N4BP2: variants seen among roughly 807,000 people sequenced by gnomAD.
The protein encoded by N4BP2 is NEDD4 binding protein 2, also known as NEDD4-binding protein 2.
In N4BP2, 91 loss-of-function variants were observed where a neutral mutation model predicts 152.8. The observed-to-expected ratio is 0.60, with a 90% CI of 0.50 to 0.71. N4BP2 has a LOEUF of 0.71. Among genes scored for constraint, N4BP2 ranks in the 30% least tolerant of loss-of-function variants. N4BP2 has a pLI of 0.00. For synonymous variants in N4BP2, 646 were observed against 705.3 expected (o/e 0.92, Z 1.33); for missense variants, 1,923 against 2,059.1 (o/e 0.93, Z 1.28).
At chr4:40,165,488 A>AACTATAGCAACAGCCTTCATAGGCTATG in the N4BP2 span, among the ~76,000 whole-genome samples, 2 of 152,144 alleles carry the variant, frequency 1.3e-5, no homozygotes, top group Non-Finnish European at 2.9e-5. Context: ...GCCTCAAGTG[A>AACTATAGCAACAGCCTTCATAGGCTATG]TCCACCTGCT....
At position 40,121,455 on chromosome 4, in the gene N4BP2, A is replaced by G. The variant is rs746885176; in HGVS notation, c.3344A>G (p.Asn1115Ser). The G allele has an allele frequency of 6.2e-7, 1 of 1,613,966 alleles. No individual in the cohort carries two copies. The highest frequency in any genetic ancestry group is 1.7e-5 in the Admixed American group (1 of 59,968). Residue 1115 changes from asparagine (N) to serine (S), a missense_variant, in exon 9 of 18, where the codon AAT (asparagine) becomes AGT (serine). Physicochemically the swap from Asn to Ser is conservative, Grantham distance 46. Transcript: ENST00000261435. ...CTGAAAGACTTATATGAGAGGTGCA[A>G]TAAAGATATTATTTGGGCCACAAGC... is the stretch of plus-strand genomic sequence containing the variant. ...EALKDLYERC[N>S]KDIIWATSLL...
At chr4:40,079,992 G>T (rs1713189138) in intron 2 of N4BP2, among the ~76,000 whole-genome samples, 1 of 151,890 alleles carries the variant, frequency 6.6e-6, no homozygotes, top group Non-Finnish European at 1.5e-5. Flanking sequence ...ATGGGAGGGG[G>T]GGATATATTT....
the N4BP2 span, chr4:40,167,470 T>C: frequency 6.6e-6 from 1 of 152,144 alleles, no homozygotes. Flanking sequence ...GGGAAAAGAA[T>C]TGGACTGGTA....
At chr4:40,178,535 T>C in the N4BP2 span, among the ~76,000 whole-genome samples, 3 of 152,204 alleles carry the variant, frequency 2.0e-5, no homozygotes, top group Admixed American at 6.5e-5. Flanking sequence ...AGCATGTACC[T>C]TTCTGGTAGA....
At chr4:40,085,316 C>T (rs914765146) in intron 2 of N4BP2, among the ~76,000 whole-genome samples, 64 of 152,240 alleles carry the variant, frequency 4.2e-4, no homozygotes, top group Non-Finnish European at 4.4e-5. Context: ...GATTACAGGC[C>T]TGAGTCACTG....
intron 2 of N4BP2, among the ~76,000 whole-genome samples, chr4:40,095,011 T>A (rs1456496862): frequency 6.6e-6 from 1 of 152,094 alleles, no homozygotes; most frequent in Middle Eastern, 3.2e-3. Flanking sequence ...CTCCTCACCT[T>A]AAGTGATCCT....
chr4:40,095,089 C>CT (rs978038914), intron 2 of N4BP2, among the ~76,000 whole-genome samples: 18 of 143,786 alleles, frequency 1.3e-4, no homozygotes, highest in East Asian at 6.2e-4. Flanking sequence ...GTTACTATAT[C>CT]TTTTTTTTTT....
downstream of N4BP2, among the ~76,000 whole-genome samples, chr4:40,161,240 C>T (rs1407771873): frequency 6.6e-6 from 1 of 152,186 alleles, no homozygotes; most frequent in Non-Finnish European, 1.5e-5. Flanking sequence ...AGAGAATGCA[C>T]CCTCATCTTG....
At chr4:40,174,491 T>C in the N4BP2 span, among the ~76,000 whole-genome samples, 9 of 151,862 alleles carry the variant, frequency 5.9e-5, no homozygotes, top group Admixed American at 1.3e-4. Context: ...AACCTAAGTG[T>C]GTGTTGAAGA....
chr4:40,179,232 T>G, the N4BP2 span, among the ~76,000 whole-genome samples: 3 of 151,986 alleles, frequency 2.0e-5, no homozygotes, highest in African/African-American at 4.8e-5. Context: ...TAGCTGGGTG[T>G]GGTGGCTGAC....
downstream of N4BP2, among the ~76,000 whole-genome samples, chr4:40,161,052 C>A (rs531552005): frequency 2.0e-5 from 3 of 152,350 alleles, no homozygotes; most frequent in South Asian, 6.2e-4. Context: ...AGACCAAAAA[C>A]TCAATCAATC....
chr4:40,104,960 G>T (rs1387473841), intron 4 of N4BP2, among the ~76,000 whole-genome samples: 1 of 151,874 alleles, frequency 6.6e-6, no homozygotes, highest in Admixed American at 6.6e-5. Context: ...CTGCCACCGC[G>T]CCTGGTTAAT....
chr4:40,144,539 T>TC, intron 15 of N4BP2, 93 bp from the exon 16 acceptor site: 1 of 979,228 alleles, frequency 1.0e-6, no homozygotes, highest in East Asian at 2.5e-5. Context: ...ATTCCCTTTT[T>TC]CCCCCTTCCT....
rs762923423 is a variant in N4BP2 at position 40,155,507 on chromosome 4, A to G, written c.*1270A>G. The stretch of plus-strand genomic sequence containing the variant: ...TTTTGAAAAAGAGCCAACTTTCTCA[A>G]AGGAAGCTGTCATTAACTTCTGTTG... On this transcript the variant is annotated 3_prime_UTR_variant, in exon 18 of 18. Coordinates refer to ENST00000261435, the MANE Select transcript of N4BP2 (RefSeq NM_018177.6). The G allele has an allele frequency of 6.6e-6, 1 of 152,250 alleles. No homozygotes were observed. The highest frequency in any genetic ancestry group is 2.4e-5 in the African/African-American group (1 of 41,476). The allele number at this position is 152,250 out of a possible 1,614,324, so 9.4% of individuals were successfully genotyped here.
rs1719359972 is a variant in N4BP2, at chr4:40,136,154, A to G, written c.4647-790A>G. On this transcript the variant is annotated intron_variant, in intron 13 of 17. Transcript: ENST00000261435. ...CTGTATCCCTGCTTAGAATTTGACT[A>G]AAATCCCATGGTAAAAGTAAATGTA... Among the ~76,000 whole-genome samples the G allele has an allele frequency of 1.3e-5, 2 of 152,176 alleles. 1 individual carries two copies. Among genetic ancestry groups the G allele is most frequent in the South Asian group, 4.1e-4 (2 of 4,836 alleles).
chr4:40,137,579 C>T (rs993578239), intron 14 of N4BP2, among the ~76,000 whole-genome samples: 1 of 151,946 alleles, frequency 6.6e-6, no homozygotes, highest in Non-Finnish European at 1.5e-5. Context: ...TTAAGAATAC[C>T]GAGAATTTGT....
At chr4:40,076,042 T>C (rs562715818) in intron 2 of N4BP2, among the ~76,000 whole-genome samples, 2 of 152,124 alleles carry the variant, frequency 1.3e-5, no homozygotes, top group Admixed American at 1.3e-4. Context: ...CCCGGGCTTG[T>C]ATTGAACTCC....
intron 1 of N4BP2, among the ~76,000 whole-genome samples, chr4:40,060,894 C>T (rs540790078): frequency 6.6e-6 from 1 of 152,302 alleles, no homozygotes; most frequent in African/African-American, 2.4e-5. Context: ...CCCGAGCCAT[C>T]ACGCCTGGCC....
chr4:40,120,057 A>G lies in N4BP2; in HGVS notation c.1946A>G (p.Asn649Ser). The part of the protein sequence containing the change: ...DVTKETMLPE[N>S]VAYLSNADLN... The stretch of plus-strand genomic sequence containing the variant: ...ACCAAAGAAACAATGTTACCTGAGA[A>G]TGTTGCATATCTCTCTAATGCAGAT... Residue 649 changes from asparagine to serine, a missense_variant, in exon 9 of 18, where the codon AAT (asparagine) becomes AGT (serine). Coordinates refer to ENST00000261435, the MANE Select transcript of N4BP2 (RefSeq NM_018177.6). 2 of 1,610,138 alleles carry G rather than the reference A, an allele frequency of 1.2e-6. No individual in the cohort carries two copies. Among genetic ancestry groups the G allele is most frequent in the Non-Finnish European group, 1.7e-6 (2 of 1,176,742 alleles).
Sources: gnomAD v4.1 joint callset for allele counts (sites outside exome capture counted in the v4.1 genomes callset) on GRCh38, gnomAD v4.1.1 for gene constraint, MANE v1.5 for transcripts, NCBI Gene and HGNC (gene_info 2026-07-23, HGNC 2026-07-21) for gene names.